Variants in EPHA6 observed in about 807,000 individuals in gnomAD.
The protein encoded by EPHA6 is EPH receptor A6, also known as ephrin type-A receptor 6.
A neutral mutation model predicts 112.0 loss-of-function variants in EPHA6; 50 were observed. The observed-to-expected ratio is 0.45, with a 90% CI of 0.36 to 0.56. The LOEUF is 0.56. EPHA6 is among the 20% of genes least tolerant of loss of function. EPHA6 has a pLI of 0.00. For missense variants in EPHA6, 1,280 were observed against 1,417.4 expected, an observed-to-expected ratio of 0.90 and a Z score of 1.56; for synonymous variants, 529 against 490.7, an observed-to-expected ratio of 1.08 and a Z score of -1.03.
intron 5 of EPHA6, among the ~76,000 whole-genome samples, chr3:97,394,944 C>T (rs988706483): frequency 6.6e-6 from 1 of 151,466 alleles, no homozygotes; most frequent in Non-Finnish European, 1.5e-5. Context: ...TTTGGGCACA[C>T]CAGATAATCC....
intron 2 of EPHA6, among the ~76,000 whole-genome samples, chr3:96,909,905 C>A (rs2039130219): frequency 6.6e-6 from 1 of 151,982 alleles, no homozygotes; most frequent in Non-Finnish European, 1.5e-5. Context: ...TATATTTCTT[C>A]AATTATACAA....
intron 5 of EPHA6, among the ~76,000 whole-genome samples, chr3:97,385,216 G>T (rs2085989308): frequency 6.6e-6 from 1 of 152,050 alleles, no homozygotes; most frequent in Non-Finnish European, 1.5e-5. Context: ...GACCAAGAAA[G>T]ATATTTAAGA....
At chr3:97,390,075 T>A (rs558175347) in intron 5 of EPHA6, among the ~76,000 whole-genome samples, 1 of 152,218 alleles carries the variant, frequency 6.6e-6, no homozygotes, top group Non-Finnish European at 1.5e-5. Flanking sequence ...TGATCAATGA[T>A]GAGAACAAAA....
At chr3:97,572,046 C>T (rs1302286177) in intron 11 of EPHA6, among the ~76,000 whole-genome samples, 1 of 151,954 alleles carries the variant, frequency 6.6e-6, no homozygotes, top group Non-Finnish European at 1.5e-5. Flanking sequence ...AAGCTATCTT[C>T]ATCTTGGCAA....
At chr3:97,463,173 C>T (rs1020941265) in intron 7 of EPHA6, among the ~76,000 whole-genome samples, 3 of 152,016 alleles carry the variant, frequency 2.0e-5, no homozygotes, top group Non-Finnish European at 2.9e-5. Context: ...CATATGTATA[C>T]GTGTGCCATG....
chr3:97,443,359 CAAAA>C (rs5851066), intron 6 of EPHA6, among the ~76,000 whole-genome samples: 1 of 68,254 alleles, frequency 1.5e-5, no homozygotes. Context: ...TAAGACATCG[CAAAA>C]AAAAAAAAAA....
chr3:97,124,397 G>C (rs1195459352), intron 3 of EPHA6, among the ~76,000 whole-genome samples: 4 of 151,646 alleles, frequency 2.6e-5, no homozygotes, highest in African/African-American at 4.8e-5. Context: ...ATATAGAGTT[G>C]TGATCAATTT....
intron 2 of EPHA6, among the ~76,000 whole-genome samples, chr3:96,928,346 A>G (rs954324976): frequency 1.3e-5 from 2 of 152,144 alleles, no homozygotes; most frequent in Admixed American, 6.5e-5. Context: ...ATTAGTTTCA[A>G]ATAACTTGAT....
chr3:97,330,858 A>T (rs1295061806), intron 5 of EPHA6, among the ~76,000 whole-genome samples: 4 of 152,142 alleles, frequency 2.6e-5, no homozygotes, highest in Non-Finnish European at 4.4e-5. Context: ...GTTAACAAGG[A>T]TATCCGGGAA....
At chr3:97,180,568 G>A (rs1313571135) in intron 3 of EPHA6, among the ~76,000 whole-genome samples, 1 of 152,114 alleles carries the variant, frequency 6.6e-6, no homozygotes, top group East Asian at 1.9e-4. Context: ...GTTAGCAGGT[G>A]ATGAATGCTG....
intron 3 of EPHA6, among the ~76,000 whole-genome samples, chr3:97,094,248 C>T (rs934118265): frequency 7.2e-5 from 11 of 151,988 alleles, no homozygotes; most frequent in East Asian, 3.9e-4. Flanking sequence ...TTTGTTTTCA[C>T]GTGGAAATTA....
At chr3:97,570,264 A>G (rs2093319440) in intron 11 of EPHA6, among the ~76,000 whole-genome samples, 1 of 152,172 alleles carries the variant, frequency 6.6e-6, no homozygotes, top group African/African-American at 2.4e-5. Context: ...TGGGATTCAG[A>G]AGATGCTGGA....
intron 5 of EPHA6, among the ~76,000 whole-genome samples, chr3:97,326,221 A>T (rs1187653898): frequency 1.3e-5 from 2 of 152,000 alleles, no homozygotes; most frequent in African/African-American, 4.8e-5. Context: ...ATCTAGAAAT[A>T]TTTTCATGGA....
At chr3:97,323,200 G>GT (rs1253452782) in intron 5 of EPHA6, among the ~76,000 whole-genome samples, 28 of 151,098 alleles carry the variant, frequency 1.9e-4, no homozygotes, top group East Asian at 9.7e-4. Context: ...TAATGAACTG[G>GT]TTTTTTTTTA....
At chr3:96,937,305 G>A (rs1484677919) in intron 2 of EPHA6, among the ~76,000 whole-genome samples, 1 of 152,126 alleles carries the variant, frequency 6.6e-6, no homozygotes, top group East Asian at 1.9e-4. Context: ...CATTCTAATT[G>A]GTGTGAGATG....
At chr3:97,141,109 A>G (rs984535885) in intron 3 of EPHA6, among the ~76,000 whole-genome samples, 2 of 152,134 alleles carry the variant, frequency 1.3e-5, no homozygotes, top group South Asian at 4.1e-4. Flanking sequence ...TTAAATAATG[A>G]CAAAGGGTTC....
chr3:97,628,572 T>C (rs1435737416), intron 13 of EPHA6, among the ~76,000 whole-genome samples: 2 of 152,050 alleles, frequency 1.3e-5, no homozygotes, highest in Middle Eastern at 3.2e-3. Context: ...AAAATGTAGA[T>C]ATACTTCAGG....
rs190905468 is a variant in EPHA6 at position 97,204,207 on chromosome 3, G to C, written c.1115-22057G>C. On this transcript the variant is annotated intron_variant, in intron 3 of 17. Transcript: ENST00000389672. ...AATATTTGCCTTAAGTATTGACATA[G>C]TTATACATTCTCCAAATAGTTAATT... Among the ~76,000 whole-genome samples, 579 of 152,180 alleles carry C rather than the reference G, an allele frequency of 3.8e-3. 5 individuals carry two copies. Among genetic ancestry groups the C allele is most frequent in the African/African-American group, 0.013 (543 of 41,540 alleles).
intron 16 of EPHA6, among the ~76,000 whole-genome samples, chr3:97,740,038 T>G (rs771195577): frequency 3.9e-5 from 6 of 152,008 alleles, no homozygotes; most frequent in Admixed American, 2.0e-4. Flanking sequence ...AACACCTTTT[T>G]CTCCCTCTCC....
Sources: allele counts gnomAD v4.1 joint callset (sites outside exome capture counted in the v4.1 genomes callset), GRCh38; gene constraint gnomAD v4.1.1; transcripts MANE v1.5; gene names NCBI Gene and HGNC (gene_info 2026-07-23, HGNC 2026-07-21).